CSMD1: variants seen among roughly 807,000 people sequenced by gnomAD.
The protein encoded by CSMD1 is CUB and Sushi multiple domains 1.
Under a neutral mutation model 417.5 loss-of-function variants are expected in CSMD1, and 213 were observed. That is an observed-to-expected ratio of 0.51 (90% CI 0.46 to 0.57). CSMD1 has a LOEUF of 0.57. CSMD1 is among the 20% of genes least tolerant of loss of function. The pLI, the probability that CSMD1 is intolerant of heterozygous loss-of-function variation, is 0.00. For synonymous variants in CSMD1, 2,862 were observed against 1,736.8 expected (o/e 1.65, Z -16.11); for missense variants, 6,923 against 4,529.7 (o/e 1.53, Z -15.17).
At chr8:4,327,218 A>T (rs1799608821) in intron 3 of CSMD1, among the ~76,000 whole-genome samples, 2 of 152,200 alleles carry the variant, frequency 1.3e-5, no homozygotes. Flanking sequence ...TTTAAAAATG[A>T]TATAGCTTAG....
chr8:4,535,890 C>G (rs1797078425), intron 2 of CSMD1, among the ~76,000 whole-genome samples: 1 of 152,122 alleles, frequency 6.6e-6, no homozygotes, highest in South Asian at 2.1e-4. Flanking sequence ...TACTTCTTTA[C>G]TTTTATAATT....
intron 3 of CSMD1, among the ~76,000 whole-genome samples, chr8:4,241,224 A>G (rs951635060): frequency 2.0e-5 from 3 of 152,216 alleles, no homozygotes; most frequent in South Asian, 2.1e-4. Flanking sequence ...GTAGCACACT[A>G]GAATAGAATT....
At chr8:4,867,575 T>C (rs1802490843) in intron 1 of CSMD1, among the ~76,000 whole-genome samples, 1 of 152,064 alleles carries the variant, frequency 6.6e-6, no homozygotes, top group Non-Finnish European at 1.5e-5. Context: ...CAGCCATAAT[T>C]TCGCTTTTTT....
At chr8:3,726,595 T>C (rs1802511142) in intron 6 of CSMD1, among the ~76,000 whole-genome samples, 1 of 152,212 alleles carries the variant, frequency 6.6e-6, no homozygotes, top group Non-Finnish European at 1.5e-5. Context: ...TGGATATTCA[T>C]GTGAAGTTCC....
chr8:3,384,921 T>C (rs1266460828), intron 18 of CSMD1, among the ~76,000 whole-genome samples: 2 of 120,570 alleles, frequency 1.7e-5, no homozygotes, highest in African/African-American at 3.3e-5. Flanking sequence ...ATATATTACA[T>C]ATGCTAATAT....
intron 5 of CSMD1, among the ~76,000 whole-genome samples, chr8:3,918,417 T>C (rs763454646): frequency 1.3e-5 from 2 of 152,116 alleles, no homozygotes; most frequent in Non-Finnish European, 2.9e-5. Context: ...ATTCTTGTGG[T>C]TTTGATTTGC....
At chr8:4,046,396 C>G (rs920890041) in intron 3 of CSMD1, among the ~76,000 whole-genome samples, 18 of 152,240 alleles carry the variant, frequency 1.2e-4, no homozygotes, top group African/African-American at 4.1e-4. Context: ...TATTACAAAT[C>G]CATGATTTTC....
chr8:4,000,961 G>A (rs1815625339), intron 4 of CSMD1, among the ~76,000 whole-genome samples: 1 of 151,712 alleles, frequency 6.6e-6, no homozygotes, highest in South Asian at 2.1e-4. Flanking sequence ...CATATTAATT[G>A]AAATCCAACT....
chr8:3,840,693 ATTTT>A (rs34360211), intron 5 of CSMD1, among the ~76,000 whole-genome samples: 1 of 134,804 alleles, frequency 7.4e-6, no homozygotes, highest in African/African-American at 2.8e-5. Context: ...CTTTTTTTTA[ATTTT>A]TTTTTTTTTT....
intron 3 of CSMD1, among the ~76,000 whole-genome samples, chr8:4,266,558 A>T (rs1271244159): frequency 9.5e-6 from 1 of 105,122 alleles, no homozygotes; most frequent in East Asian, 2.5e-4. Flanking sequence ...CTTCCTTCAG[A>T]AAAACAATTT....
chr8:3,553,729 T>C (rs7004293), intron 10 of CSMD1, among the ~76,000 whole-genome samples: 1 of 151,980 alleles, frequency 6.6e-6, no homozygotes, highest in African/African-American at 2.4e-5. Context: ...CATTAAAATA[T>C]GTGAAGTAGA....
At chr8:3,844,819 TTG>T (rs1803386133) in intron 5 of CSMD1, among the ~76,000 whole-genome samples, 1 of 152,136 alleles carries the variant, frequency 6.6e-6, no homozygotes, top group South Asian at 2.1e-4. Flanking sequence ...AGAACAGATT[TTG>T]TTTTTGTTTT....
At chr8:4,750,295 C>T (rs1420179493) in intron 1 of CSMD1, among the ~76,000 whole-genome samples, 1 of 152,176 alleles carries the variant, frequency 6.6e-6, no homozygotes, top group Non-Finnish European at 1.5e-5. Flanking sequence ...GGTGAACCAC[C>T]ATGCCCGGCC....
intron 3 of CSMD1, among the ~76,000 whole-genome samples, chr8:4,399,008 G>C (rs1007887854): frequency 6.6e-6 from 1 of 152,160 alleles, no homozygotes; most frequent in Non-Finnish European, 1.5e-5. Flanking sequence ...CACCTAATAT[G>C]TACACAGCTT....
chr8:3,613,706 C>CACAG (rs1260749473), intron 8 of CSMD1, among the ~76,000 whole-genome samples: 3 of 92,064 alleles, frequency 3.3e-5, no homozygotes, highest in African/African-American at 1.4e-4. Flanking sequence ...GATTAAAACA[C>CACAG]ACACACACAC....
At chr8:4,115,036 T>G (rs538145411) in intron 3 of CSMD1, among the ~76,000 whole-genome samples, 1 of 152,210 alleles carries the variant, frequency 6.6e-6, no homozygotes, top group African/African-American at 2.4e-5. Flanking sequence ...TTTGAAAGAA[T>G]TGATTCAAAT....
intron 11 of CSMD1, among the ~76,000 whole-genome samples, chr8:3,473,310 T>C (rs1213513882): frequency 6.6e-6 from 1 of 152,220 alleles, no homozygotes; most frequent in Non-Finnish European, 1.5e-5. Flanking sequence ...TTATTACTCA[T>C]TTTGGAATTT....
chr8:4,903,187 T>C, intron 1 of CSMD1, among the ~76,000 whole-genome samples: 1 of 152,158 alleles, frequency 6.6e-6, no homozygotes, highest in South Asian at 2.1e-4. Context: ...CAGGAACATT[T>C]GTTATTTAGT....
At chr8:3,108,519 G>A in intron 44 of CSMD1, 84 bp downstream of exon 44, 3 of 1,404,656 alleles carry the variant, frequency 2.1e-6, no homozygotes. Flanking sequence ...AGAAACTTCA[G>A]CTGGAAACAA....
Sources: gnomAD v4.1 joint callset for allele counts (sites outside exome capture counted in the v4.1 genomes callset) on GRCh38, gnomAD v4.1.1 for gene constraint, MANE v1.5 for transcripts, NCBI Gene and HGNC (gene_info 2026-07-23, HGNC 2026-07-21) for gene names.